MORC1: variants seen among roughly 807,000 people sequenced by gnomAD.
MORC1 encodes MORC family CW-type zinc finger protein 1.
A neutral mutation model predicts 134.9 loss-of-function variants in MORC1; 59 were observed. The observed-to-expected ratio is 0.44, with a 90% confidence interval of 0.35 to 0.54. The LOEUF is 0.54. MORC1 is among the 20% of genes least tolerant of loss of function. MORC1 has a pLI of 0.00. For synonymous variants in MORC1, 395 were observed against 391.7 expected (o/e 1.01, Z -0.10); for missense variants, 947 against 1,134.5 (o/e 0.83, Z 2.37).
At chr3:109,086,868 T>C (rs1221815378) in intron 8 of MORC1, among the ~76,000 whole-genome samples, 1 of 152,024 alleles carries the variant, frequency 6.6e-6, no homozygotes, top group East Asian at 1.9e-4. Flanking sequence ...CTTTAAAACT[T>C]TGAAAAGTCA....
chr3:109,115,923 T>G (rs906956767), intron 1 of MORC1, among the ~76,000 whole-genome samples: 1 of 151,910 alleles, frequency 6.6e-6, no homozygotes. Flanking sequence ...AAAGCACCTC[T>G]TGGTAAAAGG....
chr3:109,001,465 T>G (rs955229178), intron 20 of MORC1, among the ~76,000 whole-genome samples: 3 of 152,258 alleles, frequency 2.0e-5, no homozygotes, highest in African/African-American at 7.2e-5. Flanking sequence ...ACTCCTGAGA[T>G]CATCCCTCTT....
chr3:109,076,873 T>C (rs1457411219), intron 8 of MORC1, among the ~76,000 whole-genome samples: 2 of 151,682 alleles, frequency 1.3e-5, no homozygotes, highest in African/African-American at 4.9e-5. Context: ...AAATACCTAA[T>C]GTAGATGACA....
chr3:109,010,358 T>C (rs1010049010), intron 17 of MORC1, among the ~76,000 whole-genome samples: 1 of 152,232 alleles, frequency 6.6e-6, no homozygotes, highest in African/African-American at 2.4e-5. Context: ...TTTATTTCAT[T>C]GTCTCGTATA....
intron 8 of MORC1, among the ~76,000 whole-genome samples, chr3:109,076,520 G>A (rs1240646438): frequency 4.6e-5 from 7 of 152,162 alleles, no homozygotes; most frequent in East Asian, 1.9e-4. Flanking sequence ...ATAAAGACAC[G>A]TGCACACGTA....
At chr3:109,038,836 T>C (rs1461458905) in intron 14 of MORC1, among the ~76,000 whole-genome samples, 3 of 152,200 alleles carry the variant, frequency 2.0e-5, no homozygotes, top group African/African-American at 7.2e-5. Flanking sequence ...TTTTGGTTAC[T>C]GTAGCCTTGT....
chr3:109,100,175 G>A (rs935287213), intron 5 of MORC1, among the ~76,000 whole-genome samples: 14 of 151,978 alleles, frequency 9.2e-5, no homozygotes, highest in East Asian at 3.9e-4. Context: ...CCCAGGAGGC[G>A]GAGGTTGCAG....
At chr3:109,096,108 A>G (rs1559950099) in intron 6 of MORC1, among the ~76,000 whole-genome samples, 1 of 152,230 alleles carries the variant, frequency 6.6e-6, no homozygotes, top group Non-Finnish European at 1.5e-5. Flanking sequence ...AAGAGAAAAT[A>G]CTGTATCCAT....
chr3:108,976,858 T>C (rs1271359688), intron 24 of MORC1, among the ~76,000 whole-genome samples: 2 of 152,144 alleles, frequency 1.3e-5, no homozygotes, highest in Non-Finnish European at 2.9e-5. Flanking sequence ...ATGATAGAAG[T>C]GGATGCAATT....
At chr3:109,026,641 A>AAT (rs1949080446) in intron 17 of MORC1, among the ~76,000 whole-genome samples, 1 of 152,236 alleles carries the variant, frequency 6.6e-6, no homozygotes, top group Admixed American at 6.5e-5. Context: ...TAAATAAGAA[A>AAT]CAAAATTAAA....
chr3:108,971,317 A>G lies in MORC1; in HGVS notation c.2550+13T>C. On this transcript the variant is annotated intron_variant, in intron 25 of 27. Transcript: ENST00000232603. ...CTATCATTCCCTCACAGTTCCAAAA[A>G]AAACCAGCTTACCTCACAACTTAAT... 3 of 1,611,874 alleles carry G rather than the reference A, an allele frequency of 1.9e-6. No homozygotes were observed. Among genetic ancestry groups the G allele is most frequent in the Non-Finnish European group, 2.5e-6 (3 of 1,178,554 alleles).
intron 14 of MORC1, among the ~76,000 whole-genome samples, chr3:109,045,639 G>A (rs1047767162): frequency 1.9e-4 from 29 of 152,196 alleles, no homozygotes; most frequent in Non-Finnish European, 5.9e-5. Context: ...GTGAAAAAAA[G>A]CAAGACAAGA....
At chr3:108,999,672 T>C (rs1442986700) in intron 21 of MORC1, among the ~76,000 whole-genome samples, 1 of 152,170 alleles carries the variant, frequency 6.6e-6, no homozygotes, top group Non-Finnish European at 1.5e-5. Context: ...CTTTTCTAAA[T>C]ACTCTCACTT....
intron 12 of MORC1, among the ~76,000 whole-genome samples, chr3:109,059,050 A>G (rs928130112): frequency 6.6e-6 from 1 of 152,172 alleles, no homozygotes; most frequent in Non-Finnish European, 1.5e-5. Context: ...ATGCATAAGT[A>G]ACATTTCACA....
intron 18 of MORC1, among the ~76,000 whole-genome samples, chr3:109,006,645 T>G (rs556690586): frequency 5.1e-4 from 77 of 152,198 alleles, no homozygotes; most frequent in Admixed American, 7.9e-4. Context: ...TTGAGGAATA[T>G]AACGTAACAT....
intron 12 of MORC1, among the ~76,000 whole-genome samples, chr3:109,059,311 G>T (rs556940801): frequency 6.6e-6 from 1 of 152,104 alleles, no homozygotes; most frequent in South Asian, 2.1e-4. Context: ...TAAATATTTG[G>T]TTTTGTTAAC....
At chr3:108,992,215 T>A (rs1948082827) in intron 21 of MORC1, among the ~76,000 whole-genome samples, 1 of 152,196 alleles carries the variant, frequency 6.6e-6, no homozygotes, top group African/African-American at 2.4e-5. Flanking sequence ...ATAATCAAAA[T>A]GTTCTCTTCA....
chr3:109,066,575 T>C (rs777612489), intron 9 of MORC1, among the ~76,000 whole-genome samples: 2 of 152,188 alleles, frequency 1.3e-5, no homozygotes, highest in African/African-American at 2.4e-5. Context: ...CGTGAGCCAC[T>C]GCACCCAGCC....
intron 17 of MORC1, among the ~76,000 whole-genome samples, chr3:109,012,758 C>T (rs1481772313): frequency 1.3e-5 from 2 of 152,096 alleles, no homozygotes; most frequent in Non-Finnish European, 2.9e-5. Context: ...GATTTTGTGT[C>T]CTGCAACCTT....
Sources: gnomAD v4.1 joint callset for allele counts (sites outside exome capture counted in the v4.1 genomes callset) on GRCh38, gnomAD v4.1.1 for gene constraint, MANE v1.5 for transcripts, NCBI Gene and HGNC (gene_info 2026-07-23, HGNC 2026-07-21) for gene names.